TMED2: variants seen among roughly 807,000 people sequenced by gnomAD.
TMED2 encodes transmembrane p24 trafficking protein 2.
A neutral mutation model predicts 17.5 loss-of-function variants in TMED2; 3 were observed. The observed-to-expected ratio is 0.17, with a 90% confidence interval of 0.08 to 0.44. The LOEUF is 0.44. Ranked by LOEUF, TMED2 falls within the 20% of genes least tolerant of loss-of-function variation. The probability of loss-of-function intolerance (pLI) is 0.99; values close to 1 mark genes in which losing one functional copy is unlikely to be tolerated. For synonymous variants in TMED2, 95 were observed against 91.0 expected, an observed-to-expected ratio of 1.04 and a Z score of -0.25; for missense variants, 149 against 254.8, an observed-to-expected ratio of 0.58 and a Z score of 2.83.
At chr12:123,586,004 G>C (rs1488927299) in intron 1 of TMED2, 1 of 152,190 alleles carries the variant, frequency 6.6e-6, no homozygotes, top group Non-Finnish European at 1.5e-5. Flanking sequence ...GGCTTAGCTG[G>C]GTGGTTCTGG....
At chr12:123,592,556 G>A (rs1217826196) in intron 3 of TMED2, among the ~76,000 whole-genome samples, 1 of 152,174 alleles carries the variant, frequency 6.6e-6, no homozygotes, top group African/African-American at 2.4e-5. Context: ...AAAAGTGTTA[G>A]CAATTTCTAG....
Position 123,584,571 on chromosome 12 carries a change from GGC to G in TMED2, c.-64_-63del. On this transcript the variant is annotated 5_prime_UTR_variant, in exon 1 of 4. Transcript: ENST00000262225. ...GTGGCTGAGAAGGCAGCGGGGCGGC[GGC>G]GGCGGCGGCGGCGGCGGCTGTGGAG... The G allele has an allele frequency of 2.0e-6, 3 of 1,513,414 alleles. No homozygotes were observed. The highest frequency in any genetic ancestry group is 2.9e-5 in the African/African-American group (2 of 69,130). 93.7% of individuals were successfully genotyped at this position (1,513,414 alleles called of 1,614,324 possible). A position where few individuals can be genotyped will look rare whatever the true frequency, so the allele number is the denominator to read the frequency against.
rs190631024 is a variant in TMED2 at position 123,596,541 on chromosome 12, A to G, written c.482-64A>G. ...ACACAGAGTGAAGACTAAAATATTT[A>G]TGATGCCTATGTCTTTTTGGGGGAG... On this transcript the variant is annotated intron_variant, in intron 3 of 3. Coordinates refer to ENST00000262225, the MANE Select transcript of TMED2 (RefSeq NM_006815.4). The G allele has an allele frequency of 2.4e-4, 374 of 1,544,684 alleles. 1 individual carries two copies. In the African/African-American group the frequency reaches 3.9e-3, roughly 16 times the overall value.
At chr12:123,593,921 A>C (rs1178661302) in intron 3 of TMED2, among the ~76,000 whole-genome samples, 2 of 151,294 alleles carry the variant, frequency 1.3e-5, no homozygotes, top group African/African-American at 2.4e-5. Context: ...TCAACCTCCC[A>C]AGTAGCTGGA....
chr12:123,592,274 T>G (rs1593640019), intron 3 of TMED2, among the ~76,000 whole-genome samples: 1 of 152,220 alleles, frequency 6.6e-6, no homozygotes, highest in Non-Finnish European at 1.5e-5. Context: ...TTGGGACTCA[T>G]ATGTTGTTTA....
intron 2 of TMED2, among the ~76,000 whole-genome samples, chr12:123,589,698 G>A (rs1409577346): frequency 1.3e-5 from 2 of 152,096 alleles, no homozygotes; most frequent in African/African-American, 4.8e-5. Flanking sequence ...CATTTCAAAA[G>A]TAGCTTCTTT....
chr12:123,584,870 G>A, intron 1 of TMED2, 54 bp downstream of exon 1: 1 of 1,590,046 alleles, frequency 6.3e-7, no homozygotes, highest in South Asian at 1.1e-5. Context: ...CTCGGGGATT[G>A]GTGGCACCTG....
Position 123,596,621 on chromosome 12 carries a change from C to T in TMED2, c.498C>T (p.Asn166=). ...CCTCAACAGTCAACGACAACACAAA[C>T]AGCAGAGTGGTCCTTTGGTCCTTCT... ...RIHRAINDNT[N]SRVVLWSFFE... is the part of the protein sequence containing the mutation. Residue 166 remains asparagine (N), a synonymous_variant, in exon 4 of 4, where the codon AAC becomes AAT. Coordinates refer to ENST00000262225, the MANE Select transcript of TMED2 (RefSeq NM_006815.4). 6.2e-7 allele frequency: 1 copy of T among 1,609,622 alleles called. No homozygotes were observed. Among genetic ancestry groups the T allele is most frequent in the South Asian group, 1.1e-5 (1 of 90,044 alleles).
intron 3 of TMED2, among the ~76,000 whole-genome samples, chr12:123,591,351 G>A (rs1459263015): frequency 6.6e-6 from 1 of 152,194 alleles, no homozygotes; most frequent in Non-Finnish European, 1.5e-5. Flanking sequence ...TTTAGAACTG[G>A]ATAGAGCATT....
At chr12:123,592,115 C>A (rs1953396663) in intron 3 of TMED2, among the ~76,000 whole-genome samples, 1 of 152,208 alleles carries the variant, frequency 6.6e-6, no homozygotes, top group African/African-American at 2.4e-5. Context: ...GAACTCCCCT[C>A]ATCCCCACTT....
intron 2 of TMED2, among the ~76,000 whole-genome samples, chr12:123,589,496 A>G (rs1953375741): frequency 6.6e-6 from 1 of 152,242 alleles, no homozygotes; most frequent in South Asian, 2.1e-4. Flanking sequence ...GTTAATAGTC[A>G]GTATAGTGAA....
chr12:123,586,224 C>T (rs1886342917), intron 1 of TMED2: 1 of 152,162 alleles, frequency 6.6e-6, no homozygotes, highest in African/African-American at 2.4e-5. Flanking sequence ...ATGTCAGGAC[C>T]TAAAGGTGTT....
intron 2 of TMED2, among the ~76,000 whole-genome samples, chr12:123,589,039 T>A (rs1387324437): frequency 6.6e-6 from 1 of 152,190 alleles, no homozygotes; most frequent in Non-Finnish European, 1.5e-5. Flanking sequence ...GAGATCCCCC[T>A]TTCCCAGGAA....
At chr12:123,596,205 C>T (rs1953429947) in intron 3 of TMED2, among the ~76,000 whole-genome samples, 1 of 152,146 alleles carries the variant, frequency 6.6e-6, no homozygotes, top group Non-Finnish European at 1.5e-5. Context: ...ACTTTCAGTG[C>T]AGTGTTCACT....
At chr12:123,585,559 C>T (rs1368128937) in intron 1 of TMED2, 1 of 152,178 alleles carries the variant, frequency 6.6e-6, no homozygotes, top group Non-Finnish European at 1.5e-5. Flanking sequence ...CACCTGCTAG[C>T]ATGATTAATT....
chr12:123,593,355 C>T (rs112002563), intron 3 of TMED2, among the ~76,000 whole-genome samples: 13,968 of 152,030 alleles, frequency 0.092, 1,062 homozygotes, highest in African/African-American at 0.21. Context: ...TGGGTTCAAG[C>T]GATTCTCCTG....
intron 2 of TMED2, among the ~76,000 whole-genome samples, chr12:123,588,424 G>A (rs1409706251): frequency 6.6e-6 from 1 of 152,090 alleles, no homozygotes; most frequent in African/African-American, 2.4e-5. Flanking sequence ...GCCACTTATA[G>A]GGTAGGACTT....
In TMED2 at chr12:123,596,592, T is replaced by G. The variant is rs764184980; in HGVS notation, c.482-13T>G. ...AATTGTTAAATTTTGTTTGTTTGTT[T>G]TGTCCTCAACAGTCAACGACAACAC... On this transcript the variant is annotated splice_polypyrimidine_tract_variant and intron_variant, in intron 3 of 3. Transcript: ENST00000262225. 1.3e-5 allele frequency: 20 copies of G among 1,584,836 alleles called. No individual in the cohort carries two copies. Among genetic ancestry groups the G allele is most frequent in the Non-Finnish European group, 1.5e-5 (18 of 1,170,664 alleles).
At chr12:123,586,576 CT>C (rs1421017620) in intron 1 of TMED2, 170 bp from the exon 2 acceptor site, 2 of 484,116 alleles carry the variant, frequency 4.1e-6, no homozygotes, top group Non-Finnish European at 6.9e-6. Flanking sequence ...TCTTGAACTC[CT>C]GACCTCAAGT....
Sources: allele counts gnomAD v4.1 joint callset (sites outside exome capture counted in the v4.1 genomes callset), GRCh38; gene constraint gnomAD v4.1.1; transcripts MANE v1.5; gene names NCBI Gene and HGNC (gene_info 2026-07-23, HGNC 2026-07-21).